PCDHGC3: variants seen among roughly 807,000 people sequenced by gnomAD.
The protein encoded by PCDHGC3 is protocadherin gamma-C3.
PCDHGC3 carries 26 observed loss-of-function variants against 59.2 expected under a neutral mutation model. The ratio of observed to expected loss-of-function variants is 0.44; its 90% CI spans 0.32 to 0.61. The LOEUF (loss-of-function observed/expected upper bound fraction) is 0.61, where lower values mean the gene tolerates loss of function less well. Ranked by LOEUF, PCDHGC3 falls within the 20% of genes least tolerant of loss-of-function variation. The pLI, the probability that PCDHGC3 is intolerant of heterozygous loss-of-function variation, is 0.05. For synonymous variants in PCDHGC3, 487 were observed against 519.7 expected, an observed-to-expected ratio of 0.94 and a Z score of 0.86; for missense variants, 1,080 against 1,221.8, an observed-to-expected ratio of 0.88 and a Z score of 1.73.
rs576983336 is a variant in PCDHGC3, at chr5:141,489,165, G to A, written c.2431-5642G>A. 5.8e-4 allele frequency: 625 copies of A among 1,082,080 alleles called. 8 individuals are homozygous for A. The South Asian group carries it at 7.9e-3, about 14-fold the overall frequency. The allele number at this position is 1,082,080 out of a possible 1,614,324, so 67.0% of individuals were successfully genotyped here. On this transcript the variant is annotated intron_variant, in intron 1 of 3. Transcript: ENST00000308177. The surrounding 1 kb of genome is among the most constrained non-coding windows in gnomAD (Gnocchi z 4.5). ...GAAGGAGACATAAGAGACTTCAGCT[G>A]CTGCATTCCAAGCCCTGGGTCTACC...
intron 2 of PCDHGC3, among the ~76,000 whole-genome samples, chr5:141,504,238 G>A (rs1043662594): frequency 2.0e-5 from 3 of 152,228 alleles, no homozygotes; most frequent in African/African-American, 7.2e-5. Flanking sequence ...CTAAGAAGCA[G>A]AGAGTTCTTC....
Position 141,487,333 on chromosome 5 carries a change from C to T in PCDHGC3, c.2431-7474C>T. 6.2e-7 allele frequency: 1 copy of T among 1,614,176 alleles called. No homozygotes were observed. The highest frequency in any genetic ancestry group is 8.5e-7 in the Non-Finnish European group (1 of 1,180,022). On this transcript the variant is annotated intron_variant, in intron 1 of 3. Transcript: ENST00000308177. The surrounding 1 kb of genome is among the most constrained non-coding windows in gnomAD (Gnocchi z 5.0). ...TCTCTAAGTGTCTTCGTGGGGCAGC[C>T]TGTGGAGTCACATGCTTTCCTGCTG...
chr5:141,500,258 G>A lies in PCDHGC3; in HGVS notation c.2490-5135G>A, dbSNP rs2099798463. On this transcript the variant is annotated intron_variant, in intron 2 of 3. Coordinates refer to ENST00000308177, the MANE Select transcript of PCDHGC3 (RefSeq NM_002588.4). ...TAGCCTTGCTCTGTCACCCAGGCTG[G>A]ACTGCAGTGGCGCAATCTCGGCTCA... Among the ~76,000 whole-genome samples the A allele has an allele frequency of 2.0e-5, 3 of 150,738 alleles. No homozygotes were observed. In the South Asian group the frequency reaches 6.3e-4, roughly 32 times the overall value.
rs762138055 is a variant in PCDHGC3, at chr5:141,490,757, T to C, written c.2431-4050T>C. 6.2e-7 allele frequency: 1 copy of C among 1,613,918 alleles called. No homozygotes were observed. The highest frequency in any genetic ancestry group is 2.2e-5 in the East Asian group (1 of 44,892). On this transcript the variant is annotated intron_variant, in intron 1 of 3. Coordinates refer to ENST00000308177, the MANE Select transcript of PCDHGC3 (RefSeq NM_002588.4). The surrounding 1 kb of genome is among the most constrained non-coding windows in gnomAD (Gnocchi z 5.4). ...GTTCAGGGAGCCCCAGCCTCCTCCT[T>C]TGTGTATGTCAACCCAGAGGATGGA...
chr5:141,476,264 G>T lies in PCDHGC3; in HGVS notation c.148G>T (p.Val50Leu), dbSNP rs753184649. The change falls in exon 1 of 4, where the codon GTG becomes TTG. Residue 50 changes from valine to leucine, a missense_variant. Physicochemically the swap from Val to Leu is conservative, Grantham distance 32 (BLOSUM62 1). Coordinates refer to ENST00000308177, the MANE Select transcript of PCDHGC3 (RefSeq NM_002588.4). This position sits in a 1 kb window ranked among gnomAD's most constrained non-coding sequence, Gnocchi z 7.6. ...EREKGFAVGN[V>L]VANLGLDLGS... ...AGAGAAGGGTTTCGCTGTGGGCAAC[G>T]TGGTCGCGAACCTTGGTTTGGATCT... The T allele has an allele frequency of 5.0e-6, 8 of 1,613,964 alleles. No individual in the cohort carries two copies. In the African/African-American group the frequency reaches 8.0e-5, roughly 16 times the overall value.
chr5:141,478,672 A>G (rs1216792401), intron 1 of PCDHGC3, 126 bp downstream of exon 1: 22 of 1,551,540 alleles, frequency 1.4e-5, no homozygotes, highest in Admixed American at 2.0e-5. Flanking sequence ...CACACTTTCA[A>G]CTGGCCCTTC....
intron 3 of PCDHGC3, among the ~76,000 whole-genome samples, chr5:141,510,373 T>TC (rs112437269): frequency 0.25 from 37,727 of 151,394 alleles, 4,765 homozygotes; most frequent in Admixed American, 0.33. Context: ...GAATCTCTAC[T>TC]CGTGCCAGGC....
intron 2 of PCDHGC3, among the ~76,000 whole-genome samples, chr5:141,505,113 G>A (rs1254889990): frequency 6.6e-6 from 1 of 152,178 alleles, no homozygotes; most frequent in East Asian, 1.9e-4. Context: ...AATGAGCCAA[G>A]ATCGCGCCAC....
chr5:141,481,030 C>A (rs1277171839), intron 1 of PCDHGC3, among the ~76,000 whole-genome samples: 1 of 152,024 alleles, frequency 6.6e-6, no homozygotes, highest in African/African-American at 2.4e-5. Context: ...TGCACTCCAG[C>A]CTGGGCGACA....
In PCDHGC3 at chr5:141,490,761, G is replaced by GTA. The variant is rs1380770489; in HGVS notation, c.2431-4044_2431-4043dup. The GTA allele has an allele frequency of 6.2e-7, 1 of 1,614,048 alleles. No individual in the cohort carries two copies. The highest frequency in any genetic ancestry group is 1.3e-5 in the African/African-American group (1 of 74,920). On this transcript the variant is annotated intron_variant, in intron 1 of 3. Coordinates refer to ENST00000308177, the MANE Select transcript of PCDHGC3 (RefSeq NM_002588.4). The surrounding 1 kb of genome is among the most constrained non-coding windows in gnomAD (Gnocchi z 5.4). ...AGGGAGCCCCAGCCTCCTCCTTTGT[G>GTA]TATGTCAACCCAGAGGATGGACGGA...
chr5:141,491,908 G>A lies in PCDHGC3; in HGVS notation c.2431-2899G>A. ...GGGGCTCCGAGCACCGGGGGTGGTG[G>A]CGACTGTGGGCGAGGGGAGGTGGGA... On this transcript the variant is annotated intron_variant, in intron 1 of 3. Transcript: ENST00000308177. The surrounding 1 kb of genome is among the most constrained non-coding windows in gnomAD (Gnocchi z 6.9). The A allele has an allele frequency of 7.1e-7, 1 of 1,408,288 alleles. No individual in the cohort carries two copies. Among genetic ancestry groups the A allele is most frequent in the East Asian group, 2.5e-5 (1 of 39,276 alleles). The allele number at this position is 1,408,288 out of a possible 1,614,324, so 87.2% of individuals were successfully genotyped here. A position where few individuals can be genotyped will look rare whatever the true frequency, so the allele number is the denominator to read the frequency against.
In PCDHGC3 at chr5:141,476,857, C is replaced by G. The variant is rs201408987; in HGVS notation, c.741C>G (p.Ser247=). The G allele has an allele frequency of 3.1e-6, 5 of 1,613,886 alleles. No individual in the cohort carries two copies. Among genetic ancestry groups the G allele is most frequent in the Non-Finnish European group, 4.2e-6 (5 of 1,180,046 alleles). The change falls in exon 1 of 4, where the codon TCC becomes TCG. Residue 247 remains serine (S), a synonymous_variant. Coordinates refer to ENST00000308177, the MANE Select transcript of PCDHGC3 (RefSeq NM_002588.4). This position sits in a 1 kb window ranked among gnomAD's most constrained non-coding sequence, Gnocchi z 7.6. The part of the protein sequence containing the change: ...ANDNAPVFNQ[S]LYRARVLEDA... Reference sequence around the variant, plus strand: ...ACAATGCGCCTGTCTTCAACCAGTCCTTGTACCGGGCGCGCGTCCTGGAGG... The same window carrying G: ...ACAATGCGCCTGTCTTCAACCAGTCGTTGTACCGGGCGCGCGTCCTGGAGG...
At chr5:141,483,186 A>G (rs2099578047) in intron 1 of PCDHGC3, among the ~76,000 whole-genome samples, 1 of 152,174 alleles carries the variant, frequency 6.6e-6, no homozygotes, top group Non-Finnish European at 1.5e-5. Flanking sequence ...CAAGCCAAGG[A>G]GTTTTTATTT....
At chr5:141,494,364 G>A (rs1461560857) in intron 1 of PCDHGC3, among the ~76,000 whole-genome samples, 1 of 152,202 alleles carries the variant, frequency 6.6e-6, no homozygotes, top group African/African-American at 2.4e-5. Context: ...TGCAGAGGAT[G>A]CTTTGTTCCC....
chr5:141,480,240 C>CAA (rs11374694), intron 1 of PCDHGC3, among the ~76,000 whole-genome samples: 156 of 114,060 alleles, frequency 1.4e-3, no homozygotes, highest in Admixed American at 4.6e-3. Flanking sequence ...CCTGTCTCTA[C>CAA]AAAAAAAAAA....
At chr5:141,504,738 C>G (rs2099840693) in intron 2 of PCDHGC3, among the ~76,000 whole-genome samples, 1 of 151,874 alleles carries the variant, frequency 6.6e-6, no homozygotes, top group Non-Finnish European at 1.5e-5. Flanking sequence ...GCTTAGGAAG[C>G]CATTGAATTT....
In PCDHGC3 at chr5:141,487,087, C is replaced by G. The variant is rs752261507; in HGVS notation, c.2431-7720C>G. 1.2e-6 allele frequency: 2 copies of G among 1,613,890 alleles called. No homozygotes were observed. Among genetic ancestry groups the G allele is most frequent in the Non-Finnish European group, 1.7e-6 (2 of 1,179,804 alleles). ...CGGCTGTTCCTATCCCAGCTGACCT[C>G]CCACCACAGAAGCTGGTCATTGTGG... On this transcript the variant is annotated intron_variant, in intron 1 of 3. Transcript: ENST00000308177. The surrounding 1 kb of genome is among the most constrained non-coding windows in gnomAD (Gnocchi z 5.0).
Position 141,490,772 on chromosome 5 carries a change from C to T in PCDHGC3, c.2431-4035C>T. ...GCCTCCTCCTTTGTGTATGTCAACC[C>T]AGAGGATGGACGGATCTTTGCCCAG... On this transcript the variant is annotated intron_variant, in intron 1 of 3. Coordinates refer to ENST00000308177, the MANE Select transcript of PCDHGC3 (RefSeq NM_002588.4). This position sits in a 1 kb window ranked among gnomAD's most constrained non-coding sequence, Gnocchi z 5.4. 6.2e-7 allele frequency: 1 copy of T among 1,614,164 alleles called. No homozygotes were observed. The highest frequency in any genetic ancestry group is 1.1e-5 in the South Asian group (1 of 91,082).
At position 141,486,417 on chromosome 5, in the gene PCDHGC3, G is replaced by T. The variant is rs1298448753; in HGVS notation, c.2430+7871G>T. On this transcript the variant is annotated intron_variant, in intron 1 of 3. Transcript: ENST00000308177. The surrounding 1 kb of genome is among the most constrained non-coding windows in gnomAD (Gnocchi z 5.0). ...CTGGTGACTGCTGGACCCTTGGATCGAGAGGCCAAATCTAGCTATGACATC... is the reference window on the plus strand; with the variant it reads ...CTGGTGACTGCTGGACCCTTGGATCTAGAGGCCAAATCTAGCTATGACATC... The T allele has an allele frequency of 6.2e-7, 1 of 1,614,014 alleles. No homozygotes were observed. The highest frequency in any genetic ancestry group is 1.7e-5 in the Admixed American group (1 of 60,010).
Sources: allele counts gnomAD v4.1 joint callset (sites outside exome capture counted in the v4.1 genomes callset), GRCh38; gene constraint gnomAD v4.1.1; non-coding constraint Gnocchi (gnomAD v3.1); transcripts MANE v1.5; gene names NCBI Gene and HGNC (gene_info 2026-07-23, HGNC 2026-07-21).